MYO16: variants seen among roughly 807,000 people sequenced by gnomAD.
The protein encoded by MYO16 is myosin XVI.
Under a neutral mutation model 205.3 loss-of-function variants are expected in MYO16, and 94 were observed. That is an observed-to-expected ratio of 0.46 (90% CI 0.39 to 0.54). The LOEUF is 0.54. MYO16 is among the 20% of genes least tolerant of loss of function. The probability of loss-of-function intolerance (pLI) is 0.00; values close to 1 mark genes in which losing one functional copy is unlikely to be tolerated. For synonymous variants in MYO16, 988 were observed against 954.0 expected (o/e 1.04, Z -0.66); for missense variants, 2,315 against 2,387.5 (o/e 0.97, Z 0.63).
Position 108,912,460 on chromosome 13 carries a change from G to A in MYO16, c.1925+2310G>A, listed in dbSNP as rs550850361. ...TATGGTAACCCAGGCAAAAGTGATA[G>A]AAATATAAAAATTCCAAGCTTCTAG... On this transcript the variant is annotated intron_variant, in intron 16 of 34. Transcript: ENST00000457511. Among the ~76,000 whole-genome samples, 8 of 152,110 alleles carry A rather than the reference G, an allele frequency of 5.3e-5. No homozygotes were observed. The South Asian group carries it at 1.2e-3, about 24-fold the overall frequency.
rs554330190 is a variant in MYO16 at position 108,957,393 on chromosome 13, A to C, written c.1926-295A>C. Among the ~76,000 whole-genome samples, 3 of 151,448 alleles carry C rather than the reference A, an allele frequency of 2.0e-5. No individual in the cohort carries two copies. The East Asian group carries it at 5.8e-4, about 29-fold the overall frequency. ...AGTGAAACTCCATCTCAAAAAAAAA[A>C]AAAAAAAACAAAAACATGAATCACT... On this transcript the variant is annotated intron_variant, in intron 16 of 34. Transcript: ENST00000457511.
At chr13:109,128,087 A>T (rs915879422) in intron 31 of MYO16, among the ~76,000 whole-genome samples, 13 of 152,222 alleles carry the variant, frequency 8.5e-5, no homozygotes, top group African/African-American at 3.1e-4. Context: ...TCTCAGCCAG[A>T]TCTCATAGAT....
At chr13:108,687,693 G>A (rs1247482376) in intron 2 of MYO16, among the ~76,000 whole-genome samples, 2 of 152,174 alleles carry the variant, frequency 1.3e-5, no homozygotes, top group Non-Finnish European at 2.9e-5. Flanking sequence ...AAGGGCGAAT[G>A]TAAATTCCAA....
At chr13:108,774,158 ATAAC>A (rs529171603) in intron 4 of MYO16, among the ~76,000 whole-genome samples, 100 of 152,356 alleles carry the variant, frequency 6.6e-4, no homozygotes, top group African/African-American at 2.1e-3. Context: ...TTAGAGAACT[ATAAC>A]TAAATGAAAC....
At chr13:109,111,289 G>A (rs1858056660) in intron 28 of MYO16, among the ~76,000 whole-genome samples, 1 of 152,168 alleles carries the variant, frequency 6.6e-6, no homozygotes. Context: ...TCTGAGATCA[G>A]CAGGAAGGAA....
intron 10 of MYO16, among the ~76,000 whole-genome samples, 169 bp downstream of exon 10, chr13:108,844,662 T>G (rs926073860): frequency 1.3e-5 from 2 of 152,228 alleles, no homozygotes; most frequent in African/African-American, 4.8e-5. Flanking sequence ...TGCATTCTGC[T>G]GATCAACAAA....
intron 13 of MYO16, among the ~76,000 whole-genome samples, chr13:108,887,535 TC>T (rs1485148323): frequency 6.6e-6 from 1 of 152,204 alleles, no homozygotes; most frequent in Non-Finnish European, 1.5e-5. Context: ...CAATCCTATA[TC>T]ATATAGTGTC....
chr13:108,792,425 T>G (rs1316659622), intron 5 of MYO16, among the ~76,000 whole-genome samples: 1 of 151,992 alleles, frequency 6.6e-6, no homozygotes, highest in Admixed American at 6.6e-5. Flanking sequence ...GGTACACTTA[T>G]CAAAACTAAA....
At position 109,155,237 on chromosome 13, in the gene MYO16, G is replaced by A. The variant is rs536848722; in HGVS notation, c.5165-9664G>A. ...CCATCTCCTTCGACTTGGCGGGGGG[G>A]TGGGTGACAAGAGTTAGGAGTGAAG... On this transcript the variant is annotated intron_variant, in intron 32 of 34. Transcript: ENST00000457511. Among the ~76,000 whole-genome samples the A allele has an allele frequency of 5.1e-4, 77 of 152,246 alleles. 1 individual carries two copies. In the South Asian group the frequency reaches 0.016, roughly 31 times the overall value.
At chr13:109,022,698 TTATA>T (rs1219151523) in intron 23 of MYO16, among the ~76,000 whole-genome samples, 2 of 113,526 alleles carry the variant, frequency 1.8e-5, no homozygotes, top group African/African-American at 6.3e-5. Flanking sequence ...ATGTATATAT[TTATA>T]TATTATATAT....
intron 1 of MYO16, among the ~76,000 whole-genome samples, chr13:108,618,484 C>T (rs958860777): frequency 6.6e-6 from 1 of 152,162 alleles, no homozygotes; most frequent in African/African-American, 2.4e-5. Flanking sequence ...ACAGGAGCAC[C>T]TCACAGAGGA....
At position 108,864,224 on chromosome 13, in the gene MYO16, T is replaced by C. The variant is rs368255125; in HGVS notation, c.1360-1953T>C. Among the ~76,000 whole-genome samples the C allele has an allele frequency of 5.9e-5, 9 of 152,304 alleles. No individual in the cohort carries two copies. The South Asian group carries it at 8.3e-4, about 14-fold the overall frequency. On this transcript the variant is annotated intron_variant, in intron 11 of 34. Coordinates refer to ENST00000457511, the MANE Select transcript of MYO16 (RefSeq NM_001198950.3). Reference sequence around the variant, plus strand: ...TGTAATTTTTTAAACTCCTTGAAGTTGATACTTAGATCATTAATTATCACT... The same window carrying C: ...TGTAATTTTTTAAACTCCTTGAAGTCGATACTTAGATCATTAATTATCACT...
At chr13:109,120,111 C>T (rs937470982) in intron 28 of MYO16, among the ~76,000 whole-genome samples, 2 of 152,174 alleles carry the variant, frequency 1.3e-5, no homozygotes, top group Non-Finnish European at 2.9e-5. Flanking sequence ...CTCTTTTGCA[C>T]CACATGGTAC....
At chr13:108,500,002 C>T in the MYO16 span, among the ~76,000 whole-genome samples, 6 of 151,764 alleles carry the variant, frequency 4.0e-5, no homozygotes, top group South Asian at 6.3e-4. Flanking sequence ...TCTGTGCCCT[C>T]GCTTTGGCCC....
chr13:109,022,986 ATATT>A (rs1013754839), intron 23 of MYO16, among the ~76,000 whole-genome samples: 3 of 135,084 alleles, frequency 2.2e-5, no homozygotes, highest in African/African-American at 8.0e-5. Flanking sequence ...ATATAGGTAT[ATATT>A]TATATATTAT....
At chr13:108,677,333 GTGTATA>G (rs1396604948) in intron 2 of MYO16, among the ~76,000 whole-genome samples, 1,248 of 101,110 alleles carry the variant, frequency 0.012, 14 homozygotes, top group African/African-American at 0.047. Flanking sequence ...GTGTGTGTGT[GTGTATA>G]TATATATATA....
At chr13:109,065,642 T>C in intron 27 of MYO16, 1 of 440,470 alleles carries the variant, frequency 2.3e-6, no homozygotes, top group East Asian at 5.9e-5. Context: ...CCTGTATGCT[T>C]GTGGAATTCT....
intron 28 of MYO16, among the ~76,000 whole-genome samples, chr13:109,112,688 G>A (rs1031677440): frequency 6.6e-6 from 1 of 152,096 alleles, no homozygotes; most frequent in Non-Finnish European, 1.5e-5. Flanking sequence ...CTGGGAGAAG[G>A]AGGTTGTGGT....
intron 4 of MYO16, among the ~76,000 whole-genome samples, chr13:108,765,012 T>C (rs1885732033): frequency 6.6e-6 from 1 of 152,202 alleles, no homozygotes; most frequent in Non-Finnish European, 1.5e-5. Context: ...ATGTAAATAA[T>C]ACAATTCAGA....
Sources: allele counts gnomAD v4.1 joint callset (sites outside exome capture counted in the v4.1 genomes callset), GRCh38; gene constraint gnomAD v4.1.1; transcripts MANE v1.5; gene names NCBI Gene and HGNC (gene_info 2026-07-23, HGNC 2026-07-21).